The following TMED8 variants were observed in gnomAD, a reference collection of about 807,000 sequenced individuals.
TMED8 encodes the protein transmembrane p24 trafficking protein family member 8, also known as protein TMED8.
A neutral mutation model predicts 32.7 loss-of-function variants in TMED8; 15 were observed. The ratio of observed to expected loss-of-function variants is 0.46; its 90% confidence interval spans 0.31 to 0.71. The LOEUF (loss-of-function observed/expected upper bound fraction) is 0.71. TMED8 is among the 30% of genes least tolerant of loss of function. TMED8 has a pLI of 0.06. For missense variants in TMED8, 390 were observed against 423.9 expected (o/e 0.92, Z 0.70); for synonymous variants, 147 against 161.4 (o/e 0.91, Z 0.68).
intron 1 of TMED8, among the ~76,000 whole-genome samples, chr14:77,364,056 G>C (rs1441390585): frequency 2.6e-5 from 4 of 152,174 alleles, no homozygotes; most frequent in African/African-American, 9.7e-5. Flanking sequence ...CAATATATGA[G>C]TGCCCGTTTC....
At chr14:77,367,560 T>TA (rs1203036021) in intron 1 of TMED8, among the ~76,000 whole-genome samples, 1 of 152,192 alleles carries the variant, frequency 6.6e-6, no homozygotes. Flanking sequence ...CTGAATTCCA[T>TA]ATAAAGGAAA....
intron 1 of TMED8, among the ~76,000 whole-genome samples, chr14:77,371,215 G>A (rs1893671949): frequency 1.3e-5 from 2 of 152,106 alleles, no homozygotes; most frequent in African/African-American, 2.4e-5. Flanking sequence ...GGCATATATT[G>A]TAATTCTGAT....
chr14:77,372,109 G>A (rs530155182), intron 1 of TMED8, among the ~76,000 whole-genome samples: 3 of 152,104 alleles, frequency 2.0e-5, no homozygotes, highest in African/African-American at 7.2e-5. Context: ...CCGAAATCTC[G>A]GAAACAATGA....
chr14:77,356,557 C>T (rs1893295300), intron 1 of TMED8, among the ~76,000 whole-genome samples: 1 of 152,146 alleles, frequency 6.6e-6, no homozygotes. Context: ...CAAACAAAGC[C>T]CAGACATCAT....
intron 1 of TMED8, among the ~76,000 whole-genome samples, chr14:77,370,682 G>T (rs1321726882): frequency 3.3e-5 from 5 of 151,802 alleles, no homozygotes; most frequent in African/African-American, 1.2e-4. Context: ...ACCTCCAAAA[G>T]CAATCAATGT....
At chr14:77,358,101 GTGA>G (rs1893333001) in intron 1 of TMED8, among the ~76,000 whole-genome samples, 3 of 142,240 alleles carry the variant, frequency 2.1e-5, no homozygotes, top group Non-Finnish European at 3.0e-5. Context: ...TCCAGCCTGG[GTGA>G]TGGAGTGAGG....
rs1166355480 is a variant in TMED8, at chr14:77,343,819, G to A, written c.332C>T (p.Ala111Val). 4 of 1,613,110 alleles carry A rather than the reference G, an allele frequency of 2.5e-6. No homozygotes were observed. The highest frequency in any genetic ancestry group is 3.4e-6 in the Non-Finnish European group (4 of 1,179,496). The change falls in exon 4 of 6, where the codon GCT (alanine) becomes GTT (valine). Residue 111 changes from alanine to valine, a missense_variant. By Grantham distance (64) the Ala-to-Val change is moderately conservative. Coordinates refer to ENST00000216468, the MANE Select transcript of TMED8 (RefSeq NM_213601.3). ...ADQAQVLNEMAKYQVPQRSGD... is the reference protein window; with the variant it reads ...ADQAQVLNEMVKYQVPQRSGD... The stretch of plus-strand genomic sequence containing the variant: ...AGACCTCTGTGGAACTTGATACTTA[G>A]CCATCTGCACAACAGAACTCTGGTT...
intron 1 of TMED8, chr14:77,359,629 A>C (rs1328019251): frequency 2.7e-6 from 1 of 372,384 alleles, no homozygotes. Context: ...ATATTAATGA[A>C]TATCAAAGGA....
intron 1 of TMED8, among the ~76,000 whole-genome samples, chr14:77,371,840 CAGAGA>C (rs1231116862): frequency 2.0e-5 from 3 of 152,100 alleles, no homozygotes; most frequent in East Asian, 1.9e-4. Context: ...TAGAAGAGAT[CAGAGA>C]AATCAGGCCA....
intron 2 of TMED8, 51 bp from the exon 3 acceptor site, chr14:77,346,529 A>G (rs762748018): frequency 1.7e-5 from 27 of 1,608,068 alleles, no homozygotes; most frequent in Admixed American, 1.2e-4. Flanking sequence ...AAAAGACTCA[A>G]TCATCCTGGA....
rs1021625174 is a variant in TMED8 at position 77,371,414 on chromosome 14, A to G, written c.118+5522T>C. ...TTTCACATGGTAAGCACCACTTCTC[A>G]TAGCATTTTAACAACTTAATGTATA... On this transcript the variant is annotated intron_variant, in intron 1 of 5. Transcript: ENST00000216468. Among the ~76,000 whole-genome samples, 41 of 152,236 alleles carry G rather than the reference A, an allele frequency of 2.7e-4. 1 individual carries two copies. The highest frequency in any genetic ancestry group is 9.8e-4 in the Admixed American group (15 of 15,280).
chr14:77,368,175 C>T (rs752323929), intron 1 of TMED8, among the ~76,000 whole-genome samples: 7 of 152,140 alleles, frequency 4.6e-5, no homozygotes, highest in Non-Finnish European at 8.8e-5. Context: ...AGAATGGAAA[C>T]GGTTAAGTCA....
chr14:77,352,362 A>T (rs1459390855), intron 1 of TMED8, among the ~76,000 whole-genome samples: 11 of 147,876 alleles, frequency 7.4e-5, no homozygotes, highest in East Asian at 6.1e-4. Flanking sequence ...TGCAGTGAGC[A>T]GAGATCACAC....
At chr14:77,361,798 G>A (rs1328135347) in intron 1 of TMED8, among the ~76,000 whole-genome samples, 1 of 152,056 alleles carries the variant, frequency 6.6e-6, no homozygotes, top group African/African-American at 2.4e-5. Context: ...TTATTCATAA[G>A]TATTTTTTTT....
intron 1 of TMED8, among the ~76,000 whole-genome samples, chr14:77,358,896 TTTTGTTTG>T (rs371643806): frequency 2.6e-5 from 4 of 152,184 alleles, no homozygotes; most frequent in African/African-American, 4.8e-5. Context: ...TGCAACTTTT[TTTTGTTTG>T]TTTGTTTGTT....
intron 1 of TMED8, among the ~76,000 whole-genome samples, chr14:77,363,883 A>G (rs1429148256): frequency 6.6e-6 from 1 of 152,142 alleles, no homozygotes; most frequent in Non-Finnish European, 1.5e-5. Context: ...GTCCCTACCA[A>G]TAGACATCAG....
chr14:77,351,835 A>G, intron 1 of TMED8, 84 bp from the exon 2 acceptor site: 1 of 1,149,844 alleles, frequency 8.7e-7, no homozygotes, highest in East Asian at 2.6e-5. Context: ...AAATCTAGCA[A>G]TTTCAACCAA....
chr14:77,354,946 C>T (rs1893257979), intron 1 of TMED8, among the ~76,000 whole-genome samples: 1 of 150,282 alleles, frequency 6.7e-6, no homozygotes, highest in Non-Finnish European at 1.5e-5. Context: ...GAAGGAAGAA[C>T]TCTGTCTCAA....
rs1663234371 is a variant in TMED8, at chr14:77,377,044, G to A, written c.10C>T (p.Leu4=). 4 of 1,376,674 alleles carry A rather than the reference G, an allele frequency of 2.9e-6. No individual in the cohort carries two copies. The highest frequency in any genetic ancestry group is 3.4e-5 in the South Asian group (2 of 58,858). 85.3% of individuals were successfully genotyped at this position (1,376,674 alleles called of 1,614,324 possible). The change falls in exon 1 of 6, where the codon CTG becomes TTG. Residue 4 remains leucine, a synonymous_variant. Transcript: ENST00000216468. The stretch of plus-strand genomic sequence containing the variant: ...GAGCCCGGCCCCTCAGCCGCCTGCA[G>A]GTCAGACATCTGCAGCCCGCGCACG... MSD[L]QAAEGPGSWS...
Sources: allele counts gnomAD v4.1 joint callset (sites outside exome capture counted in the v4.1 genomes callset), GRCh38; gene constraint gnomAD v4.1.1; transcripts MANE v1.5; gene names NCBI Gene and HGNC (gene_info 2026-07-23, HGNC 2026-07-21).